The following ZNF560 variants were observed in gnomAD, a reference collection of about 807,000 sequenced individuals.
ZNF560 encodes zinc finger protein 560.
A neutral mutation model predicts 81.8 loss-of-function variants in ZNF560; 54 were observed. That is an observed-to-expected ratio of 0.66 (90% CI 0.53 to 0.83). ZNF560 has a LOEUF of 0.83. ZNF560 is among the 40% of genes least tolerant of loss of function. The probability of loss-of-function intolerance (pLI) is 0.00; values close to 1 mark genes in which losing one functional copy is unlikely to be tolerated. For synonymous variants in ZNF560, 321 were observed against 317.9 expected, an observed-to-expected ratio of 1.01 and a Z score of -0.10; for missense variants, 940 against 932.4, an observed-to-expected ratio of 1.01 and a Z score of -0.11.
downstream of ZNF560, among the ~76,000 whole-genome samples, chr19:9,462,280 C>CG (rs565234473): frequency 4.3e-4 from 66 of 152,322 alleles, no homozygotes; most frequent in Middle Eastern, 3.4e-3. Flanking sequence ...CCACCCAGGG[C>CG]GGAAAACTGC....
At chr19:9,465,156 G>A (rs1197614694), downstream of ZNF560, among the ~76,000 whole-genome samples, 1 of 142,142 alleles carries the variant, frequency 7.0e-6, no homozygotes, top group African/African-American at 2.7e-5. Context: ...TTTTGAGATG[G>A]AGTCTCGCTC....
At chr19:9,495,899 A>G (rs981019853) in intron 2 of ZNF560, among the ~76,000 whole-genome samples, 3 of 152,206 alleles carry the variant, frequency 2.0e-5, no homozygotes, top group African/African-American at 4.8e-5. Context: ...AGAAAAAACA[A>G]ACAAAAAACA....
intron 2 of ZNF560, among the ~76,000 whole-genome samples, chr19:9,479,357 T>G (rs928588617): frequency 7.9e-5 from 12 of 151,656 alleles, no homozygotes; most frequent in Admixed American, 7.2e-4. Flanking sequence ...GAGACTCACT[T>G]CATCCTTAAG....
chr19:9,506,203 C>T, the ZNF560 span, among the ~76,000 whole-genome samples: 13 of 151,872 alleles, frequency 8.6e-5, no homozygotes, highest in East Asian at 5.8e-4. Context: ...ATGTTGGCCA[C>T]GCTGGTCTCG....
chr19:9,475,656 G>A (rs1314971184), intron 2 of ZNF560, among the ~76,000 whole-genome samples: 1 of 150,924 alleles, frequency 6.6e-6, no homozygotes, highest in Non-Finnish European at 1.5e-5. Flanking sequence ...GCCCAGGCTG[G>A]AGTGCAGTGG....
At chr19:9,500,308 C>A (rs553197148), upstream of ZNF560, among the ~76,000 whole-genome samples, 1 of 148,540 alleles carries the variant, frequency 6.7e-6, no homozygotes, top group Admixed American at 6.9e-5. Flanking sequence ...TCACTTGAAC[C>A]TGGGAGGCGG....
intron 2 of ZNF560, among the ~76,000 whole-genome samples, chr19:9,475,857 T>G (rs2073193580): frequency 6.6e-6 from 1 of 152,058 alleles, no homozygotes; most frequent in Non-Finnish European, 1.5e-5. Flanking sequence ...CCGCCCAACT[T>G]GGCCTCCCAA....
At chr19:9,462,293 AAG>A (rs1291875981), downstream of ZNF560, among the ~76,000 whole-genome samples, 1 of 152,218 alleles carries the variant, frequency 6.6e-6, no homozygotes, top group East Asian at 1.9e-4. Flanking sequence ...AAAACTGCTC[AAG>A]GTGTTCCTAA....
At chr19:9,482,880 G>C (rs1442642592) in intron 2 of ZNF560, among the ~76,000 whole-genome samples, 8 of 152,162 alleles carry the variant, frequency 5.3e-5, no homozygotes, top group African/African-American at 1.7e-4. Context: ...GGCCGGGCTG[G>C]TCTCCAGCTC....
At chr19:9,456,022 T>C in the ZNF560 span, among the ~76,000 whole-genome samples, 3 of 152,160 alleles carry the variant, frequency 2.0e-5, no homozygotes, top group African/African-American at 7.2e-5. Context: ...ACTGGGCCAA[T>C]CAGTGTCATT....
upstream of ZNF560, among the ~76,000 whole-genome samples, chr19:9,500,354 A>C (rs112568325): frequency 0.017 from 2,345 of 141,678 alleles, 63 homozygotes; most frequent in African/African-American, 0.057. Flanking sequence ...AGATGGCTCC[A>C]TTGCACTCCA....
chr19:9,457,924 A>G, the ZNF560 span, among the ~76,000 whole-genome samples: 2 of 152,150 alleles, frequency 1.3e-5, no homozygotes, highest in Non-Finnish European at 2.9e-5. Context: ...GCAAGTCCAT[A>G]AGGCCCAAAT....
the ZNF560 span, among the ~76,000 whole-genome samples, chr19:9,456,906 A>G: frequency 1.3e-5 from 2 of 152,174 alleles, no homozygotes; most frequent in African/African-American, 2.4e-5. Context: ...GGGTATGTCC[A>G]TGGTATGGAA....
At chr19:9,455,262 A>T in the ZNF560 span, among the ~76,000 whole-genome samples, 1 of 152,166 alleles carries the variant, frequency 6.6e-6, no homozygotes, top group Non-Finnish European at 1.5e-5. Flanking sequence ...TCCTTTCGTG[A>T]TGGGTCTGTC....
upstream of ZNF560, among the ~76,000 whole-genome samples, chr19:9,503,301 G>T (rs1483050278): frequency 6.6e-6 from 1 of 151,948 alleles, no homozygotes; most frequent in East Asian, 1.9e-4. Context: ...GTCCATTTTT[G>T]TTTTTCTCTA....
chr19:9,502,906 G>A (rs891990280), upstream of ZNF560, among the ~76,000 whole-genome samples: 5 of 152,024 alleles, frequency 3.3e-5, no homozygotes, highest in Admixed American at 6.6e-5. Context: ...GTAACTTTTA[G>A]TTTCATTGAT....
At chr19:9,451,386 A>G in the ZNF560 span, among the ~76,000 whole-genome samples, 6 of 152,244 alleles carry the variant, frequency 3.9e-5, no homozygotes, top group African/African-American at 1.4e-4. Flanking sequence ...TCCCAACTCA[A>G]TAAATGGTAC....
At chr19:9,479,817 T>C (rs1217526388) in intron 2 of ZNF560, among the ~76,000 whole-genome samples, 1 of 151,544 alleles carries the variant, frequency 6.6e-6, no homozygotes, top group African/African-American at 2.4e-5. Flanking sequence ...TTCAAACAAA[T>C]ACAACATCAT....
At chr19:9,463,929 T>G (rs2072974870), downstream of ZNF560, among the ~76,000 whole-genome samples, 1 of 152,164 alleles carries the variant, frequency 6.6e-6, no homozygotes, top group South Asian at 2.1e-4. Context: ...GTGATCCGCC[T>G]GACTTGGCCT....
Sources: gnomAD v4.1 joint callset for allele counts (sites outside exome capture counted in the v4.1 genomes callset) on GRCh38, gnomAD v4.1.1 for gene constraint, MANE v1.5 for transcripts, NCBI Gene and HGNC (gene_info 2026-07-23, HGNC 2026-07-21) for gene names.